Variants in ROBO2 observed in about 807,000 individuals in gnomAD.
The protein encoded by ROBO2 is roundabout guidance receptor 2.
ROBO2 carries 53 observed loss-of-function variants against 160.8 expected under a neutral mutation model. The ratio of observed to expected loss-of-function variants is 0.33; its 90% CI spans 0.26 to 0.41. The LOEUF is 0.41. Among genes scored for constraint, ROBO2 ranks in the 10% least tolerant of loss-of-function variants. ROBO2 has a pLI of 1.00. For synonymous variants in ROBO2, 664 were observed against 611.7 expected, an observed-to-expected ratio of 1.09 and a Z score of -1.26; for missense variants, 1,577 against 1,722.4, an observed-to-expected ratio of 0.92 and a Z score of 1.49.
intron 2 of ROBO2, among the ~76,000 whole-genome samples, chr3:76,278,487 C>A (rs982639365): frequency 3.3e-5 from 5 of 151,856 alleles, no homozygotes; most frequent in African/African-American, 1.2e-4. Context: ...AATAAATATC[C>A]TTAGTTTCTC....
chr3:76,725,125 G>A (rs2093529923), intron 2 of ROBO2, among the ~76,000 whole-genome samples: 1 of 152,156 alleles, frequency 6.6e-6, no homozygotes, highest in Non-Finnish European at 1.5e-5. Flanking sequence ...AAACCACCAA[G>A]TTTGTGGTCA....
intron 2 of ROBO2, among the ~76,000 whole-genome samples, chr3:77,105,765 A>T (rs970999677): frequency 1.3e-5 from 2 of 151,996 alleles, no homozygotes; most frequent in African/African-American, 4.8e-5. Context: ...ATTAACTCTG[A>T]CTCCCAGGAA....
chr3:77,222,174 T>C (rs1323552182), intron 2 of ROBO2, among the ~76,000 whole-genome samples: 1 of 152,158 alleles, frequency 6.6e-6, no homozygotes, highest in Non-Finnish European at 1.5e-5. Flanking sequence ...ATACACTATC[T>C]TACTTTACCC....
At chr3:76,827,290 A>C (rs1421754665) in intron 2 of ROBO2, among the ~76,000 whole-genome samples, 3 of 152,206 alleles carry the variant, frequency 2.0e-5, no homozygotes. Flanking sequence ...TACTACATCA[A>C]GAAAGAAATG....
chr3:76,672,900 G>A (rs2092306745), intron 2 of ROBO2, among the ~76,000 whole-genome samples: 2 of 152,058 alleles, frequency 1.3e-5, no homozygotes, highest in Admixed American at 1.3e-4. Context: ...TTTCTAATGT[G>A]TTATATTTTC....
At chr3:75,978,597 T>G (rs1490657691) in intron 2 of ROBO2, among the ~76,000 whole-genome samples, 1 of 151,460 alleles carries the variant, frequency 6.6e-6, no homozygotes, top group Non-Finnish European at 1.5e-5. Context: ...ATATTTAATA[T>G]GAAGTATTTG....
intron 2 of ROBO2, among the ~76,000 whole-genome samples, chr3:76,649,015 C>T (rs963428963): frequency 1.3e-5 from 2 of 152,002 alleles, no homozygotes; most frequent in Non-Finnish European, 2.9e-5. Context: ...TTTAATGATG[C>T]AGTACGTCAG....
At chr3:76,369,206 T>C (rs1011983355) in intron 2 of ROBO2, among the ~76,000 whole-genome samples, 30 of 151,966 alleles carry the variant, frequency 2.0e-4, no homozygotes, top group African/African-American at 6.5e-4. Flanking sequence ...TGAACCTTCA[T>C]TGGTCAGGTA....
At chr3:76,530,921 G>A (rs935122706) in intron 2 of ROBO2, among the ~76,000 whole-genome samples, 9 of 151,902 alleles carry the variant, frequency 5.9e-5, no homozygotes, top group Middle Eastern at 3.2e-3. Flanking sequence ...CTCCTTTATC[G>A]GAAAAGTCTC....
intron 1 of ROBO2, among the ~76,000 whole-genome samples, chr3:77,044,137 A>G (rs2149638260): frequency 6.6e-6 from 1 of 152,092 alleles, no homozygotes; most frequent in African/African-American, 2.4e-5. Context: ...AAAAAAAAGG[A>G]TTTCTTAGAA....
At chr3:76,989,978 T>G (rs753888780) in intron 2 of ROBO2, among the ~76,000 whole-genome samples, 26 of 152,194 alleles carry the variant, frequency 1.7e-4, no homozygotes, top group Admixed American at 1.3e-4. Flanking sequence ...CCTAGGGCTT[T>G]AATTCATGTT....
chr3:76,538,650 T>C (rs1262977406), intron 2 of ROBO2, among the ~76,000 whole-genome samples: 1 of 152,190 alleles, frequency 6.6e-6, no homozygotes, highest in Non-Finnish European at 1.5e-5. Context: ...GGAACTTGTG[T>C]GAAGCTGAGG....
chr3:76,007,838 G>A (rs1185210269), intron 2 of ROBO2, among the ~76,000 whole-genome samples: 1 of 152,052 alleles, frequency 6.6e-6, no homozygotes, highest in East Asian at 1.9e-4. Context: ...TGGCCTTCTT[G>A]AACTTTATCT....
chr3:76,599,168 C>T (rs1014424876), intron 2 of ROBO2, among the ~76,000 whole-genome samples: 6 of 152,134 alleles, frequency 3.9e-5, no homozygotes, highest in South Asian at 2.1e-4. Flanking sequence ...TATTTCATCA[C>T]CCATGTACTA....
chr3:77,145,314 A>G (rs1287584885), intron 2 of ROBO2, among the ~76,000 whole-genome samples: 1 of 152,202 alleles, frequency 6.6e-6, no homozygotes, highest in East Asian at 1.9e-4. Flanking sequence ...ACATGTTTGA[A>G]GTTTGAACCT....
chr3:76,806,875 T>C (rs958082083), intron 2 of ROBO2, among the ~76,000 whole-genome samples: 1 of 152,088 alleles, frequency 6.6e-6, no homozygotes, highest in South Asian at 2.1e-4. Context: ...TTTATTGTCT[T>C]AGTATCATAT....
At chr3:76,075,179 T>C (rs889536121) in intron 2 of ROBO2, among the ~76,000 whole-genome samples, 2 of 151,924 alleles carry the variant, frequency 1.3e-5, no homozygotes, top group African/African-American at 4.8e-5. Context: ...CTGTCACCCA[T>C]GCTTTCTGTG....
At chr3:76,596,178 T>G (rs1259096922) in intron 2 of ROBO2, among the ~76,000 whole-genome samples, 1 of 152,164 alleles carries the variant, frequency 6.6e-6, no homozygotes, top group African/African-American at 2.4e-5. Flanking sequence ...ACCAAAAAAC[T>G]TCTTGCATTG....
At position 76,928,819 on chromosome 3, in the gene ROBO2, G is replaced by C. The variant is rs183011736; in HGVS notation, c.110-169195G>C. ...TGTCTTTTCATTGTCTCTCACCTCC[G>C]TGGTTAACTCATCTCATCTAATGGT... On this transcript the variant is annotated intron_variant, in intron 2 of 26. Coordinates refer to the ROBO2 transcript ENST00000487694. Among the ~76,000 whole-genome samples, 109 of 152,210 alleles carry C rather than the reference G, an allele frequency of 7.2e-4. 1 individual carries two copies. Among genetic ancestry groups the C allele is most frequent in the Admixed American group, 4.5e-3 (69 of 15,288 alleles).
Sources: gnomAD v4.1 joint callset for allele counts (sites outside exome capture counted in the v4.1 genomes callset) on GRCh38, gnomAD v4.1.1 for gene constraint, MANE v1.5 for transcripts, NCBI Gene and HGNC (gene_info 2026-07-23, HGNC 2026-07-21) for gene names.